DPYD: variants seen among roughly 807,000 people sequenced by gnomAD.
The protein encoded by DPYD is dihydropyrimidine dehydrogenase [NADP(+)].
In DPYD, 109 loss-of-function variants were observed where a neutral mutation model predicts 116.2. That is an observed-to-expected ratio of 0.94 (90% confidence interval 0.80 to 1.10). The LOEUF (loss-of-function observed/expected upper bound fraction) is 1.10, where lower values mean the gene tolerates loss of function less well. Among genes scored for constraint, DPYD ranks in the 50% least tolerant of loss-of-function variants. The probability of loss-of-function intolerance (pLI) is 0.00; values close to 1 mark genes in which losing one functional copy is unlikely to be tolerated. For synonymous variants in DPYD, 440 were observed against 432.0 expected (o/e 1.02, Z -0.23); for missense variants, 1,302 against 1,254.5 (o/e 1.04, Z -0.57).
intron 13 of DPYD, among the ~76,000 whole-genome samples, chr1:97,469,523 A>G (rs1677526014): frequency 6.6e-6 from 1 of 151,702 alleles, no homozygotes; most frequent in Admixed American, 6.6e-5. Flanking sequence ...ATTTTCTGGT[A>G]GTGAAAATAG....
At chr1:97,676,484 T>G (rs1660150911) in intron 8 of DPYD, among the ~76,000 whole-genome samples, 1 of 152,190 alleles carries the variant, frequency 6.6e-6, no homozygotes, top group Non-Finnish European at 1.5e-5. Flanking sequence ...TGGCTTACAT[T>G]GTTACATGAG....
intron 19 of DPYD, among the ~76,000 whole-genome samples, chr1:97,204,527 C>A (rs1659461421): frequency 6.6e-6 from 1 of 152,050 alleles, no homozygotes; most frequent in African/African-American, 2.4e-5. Flanking sequence ...AGTAAAAGTT[C>A]TAGGCTGAGG....
intron 4 of DPYD, among the ~76,000 whole-genome samples, 200 bp downstream of exon 4, chr1:97,740,192 C>T (rs1664184040): frequency 6.6e-6 from 1 of 152,034 alleles, no homozygotes; most frequent in Admixed American, 6.5e-5. Context: ...AAACAAAAAA[C>T]AATGAACCTG....
chr1:97,347,363 C>T (rs1012704784), intron 16 of DPYD, among the ~76,000 whole-genome samples: 43 of 151,822 alleles, frequency 2.8e-4, no homozygotes, highest in African/African-American at 1.4e-4. Context: ...ACATATTTTC[C>T]GTATCTAGTG....
At chr1:97,750,391 GA>G (rs1027619001) in intron 3 of DPYD, among the ~76,000 whole-genome samples, 2 of 151,902 alleles carry the variant, frequency 1.3e-5, no homozygotes, top group African/African-American at 4.8e-5. Flanking sequence ...TGTTTGTTAT[GA>G]AAAAAACAGT....
chr1:97,099,001 A>G (rs987148389), intron 20 of DPYD, among the ~76,000 whole-genome samples: 3 of 152,262 alleles, frequency 2.0e-5, no homozygotes, highest in Admixed American at 2.0e-4. Flanking sequence ...GGTGAAACCT[A>G]TTGATGCTTT....
At chr1:97,122,807 ATCTT>A (rs1292550669) in intron 20 of DPYD, among the ~76,000 whole-genome samples, 10 of 152,006 alleles carry the variant, frequency 6.6e-5, no homozygotes, top group Admixed American at 1.3e-4. Flanking sequence ...ACTCCTTGCT[ATCTT>A]TATTTTTTTT....
intron 7 of DPYD, among the ~76,000 whole-genome samples, chr1:97,683,706 T>C (rs1028301511): frequency 3.9e-5 from 6 of 152,052 alleles, no homozygotes; most frequent in Non-Finnish European, 5.9e-5. Context: ...CCAATTTTAT[T>C]ACACTATAAA....
intron 12 of DPYD, among the ~76,000 whole-genome samples, chr1:97,531,600 T>C (rs1447868813): frequency 6.6e-6 from 1 of 152,172 alleles, no homozygotes; most frequent in Non-Finnish European, 1.5e-5. Context: ...AAAATTGTTT[T>C]TGTTATTTGG....
At chr1:97,838,814 C>T (rs910921085) in intron 2 of DPYD, among the ~76,000 whole-genome samples, 3 of 151,734 alleles carry the variant, frequency 2.0e-5, no homozygotes, top group Non-Finnish European at 2.9e-5. Flanking sequence ...CACTGCAGTC[C>T]GCAGTCCGGC....
At chr1:97,337,325 T>A (rs1570551519) in intron 16 of DPYD, among the ~76,000 whole-genome samples, 1 of 152,184 alleles carries the variant, frequency 6.6e-6, no homozygotes, top group East Asian at 1.9e-4. Flanking sequence ...TAAAGTACAA[T>A]GCCGAGCAGA....
intron 11 of DPYD, among the ~76,000 whole-genome samples, chr1:97,552,068 GC>G (rs948504946): frequency 6.6e-6 from 1 of 152,016 alleles, no homozygotes; most frequent in Non-Finnish European, 1.5e-5. Context: ...CTGGAACCAA[GC>G]CCCCCTAGAT....
intron 18 of DPYD, among the ~76,000 whole-genome samples, chr1:97,235,827 T>C (rs1295874915): frequency 1.3e-5 from 2 of 151,844 alleles, no homozygotes; most frequent in Non-Finnish European, 2.9e-5. Context: ...CTTCCCACAA[T>C]TTGAAAAAAA....
At chr1:97,219,311 G>A (rs1005911321) in intron 19 of DPYD, among the ~76,000 whole-genome samples, 2 of 152,282 alleles carry the variant, frequency 1.3e-5, no homozygotes, top group African/African-American at 4.8e-5. Flanking sequence ...GATAAATAGA[G>A]TGGCAAAATC....
intron 5 of DPYD, among the ~76,000 whole-genome samples, chr1:97,714,966 GTTAA>G (rs948490983): frequency 6.6e-6 from 1 of 152,116 alleles, no homozygotes; most frequent in Admixed American, 6.6e-5. Context: ...GGTTGTGGAA[GTTAA>G]TTAATTTCCT....
At chr1:97,630,770 A>G (rs1657211568) in intron 8 of DPYD, among the ~76,000 whole-genome samples, 6 of 152,148 alleles carry the variant, frequency 3.9e-5, no homozygotes, top group Admixed American at 2.6e-4. Context: ...TTAATAAAAG[A>G]TAAGTTCTAT....
chr1:97,154,894 A>G (rs1655326062), intron 20 of DPYD, among the ~76,000 whole-genome samples: 1 of 152,168 alleles, frequency 6.6e-6, no homozygotes, highest in Admixed American at 6.6e-5. Context: ...CTGTCCTCCC[A>G]AAACCTATTG....
chr1:97,108,157 C>G (rs934303263), intron 20 of DPYD, among the ~76,000 whole-genome samples: 2 of 152,074 alleles, frequency 1.3e-5, no homozygotes, highest in Admixed American at 6.6e-5. Flanking sequence ...AGCAATGCCC[C>G]ATGGGAGGCA....
chr1:97,217,612 T>A (rs1660500051), intron 19 of DPYD, among the ~76,000 whole-genome samples: 1 of 151,844 alleles, frequency 6.6e-6, no homozygotes, highest in Non-Finnish European at 1.5e-5. Flanking sequence ...TATTTTTTAT[T>A]CCTAAGTCAT....
Sources: gnomAD v4.1 joint callset for allele counts (sites outside exome capture counted in the v4.1 genomes callset) on GRCh38, gnomAD v4.1.1 for gene constraint, MANE v1.5 for transcripts, NCBI Gene and HGNC (gene_info 2026-07-23, HGNC 2026-07-21) for gene names.